Variants in SBF2 observed in about 807,000 individuals in gnomAD.
SBF2 encodes the protein myotubularin-related protein 13.
In SBF2, 112 loss-of-function variants were observed where a neutral mutation model predicts 225.2. That is an observed-to-expected ratio of 0.50 (90% CI 0.43 to 0.58). The LOEUF (loss-of-function observed/expected upper bound fraction) is 0.58. Among genes scored for constraint, SBF2 ranks in the 20% least tolerant of loss-of-function variants. The probability of loss-of-function intolerance (pLI) is 0.00; values close to 1 mark genes in which losing one functional copy is unlikely to be tolerated. For synonymous variants in SBF2, 763 were observed against 773.3 expected, an observed-to-expected ratio of 0.99 and a Z score of 0.22; for missense variants, 1,996 against 2,206.2, an observed-to-expected ratio of 0.90 and a Z score of 1.91.
At chr11:9,958,907 G>T in intron 16 of SBF2, 2 of 679,732 alleles carry the variant, frequency 2.9e-6, no homozygotes, top group African/African-American at 1.8e-5. Flanking sequence ...ACTATGATGG[G>T]CTATAAGAGC....
intron 30 of SBF2, among the ~76,000 whole-genome samples, chr11:9,811,470 C>T (rs1291963602): frequency 6.6e-6 from 1 of 152,180 alleles, no homozygotes; most frequent in Non-Finnish European, 1.5e-5. Flanking sequence ...AAGAGTAGAG[C>T]ACAGAATGTA....
At chr11:10,193,824 G>T in intron 2 of SBF2, 78 bp downstream of exon 2, 2 of 966,320 alleles carry the variant, frequency 2.1e-6, no homozygotes, top group Admixed American at 3.5e-5. Context: ...AACAGCAAAT[G>T]TAACATAAAT....
At chr11:9,946,847 G>T (rs1306027950) in intron 16 of SBF2, among the ~76,000 whole-genome samples, 1 of 152,244 alleles carries the variant, frequency 6.6e-6, no homozygotes, top group South Asian at 2.1e-4. Context: ...ACTTGCAAAA[G>T]CAATTATCCA....
chr11:9,950,099 T>C (rs1167871918), intron 16 of SBF2, among the ~76,000 whole-genome samples: 1 of 151,862 alleles, frequency 6.6e-6, no homozygotes, highest in Non-Finnish European at 1.5e-5. Context: ...CCAAAGATGA[T>C]ACTGTGTTAT....
In SBF2 at chr11:9,853,972, T is replaced by C. The variant is rs360169; in HGVS notation, c.2364-260A>G. ...GACCCAGATTTGTTTCTGTAAGGAA[T>C]ACCTTTAGTCACTCTCCCAAAAGGA... On this transcript the variant is annotated intron_variant, in intron 19 of 39. Transcript: ENST00000256190. 0.48 allele frequency among the ~76,000 whole-genome samples: 72,666 copies of C among 151,954 alleles called. 18,736 individuals are homozygous for C. Among genetic ancestry groups the C allele is most frequent in the Non-Finnish European group, 0.59 (39,929 of 67,912 alleles).
intron 1 of SBF2, among the ~76,000 whole-genome samples, chr11:10,269,586 A>T (rs1962298692): frequency 6.6e-6 from 1 of 152,226 alleles, no homozygotes; most frequent in Admixed American, 6.5e-5. Flanking sequence ...TTTACTTTAC[A>T]TGAAATAACT....
At chr11:9,966,227 T>C (rs1282777782) in intron 14 of SBF2, among the ~76,000 whole-genome samples, 2 of 152,136 alleles carry the variant, frequency 1.3e-5, no homozygotes, top group Non-Finnish European at 2.9e-5. Context: ...TAGCTGGGAC[T>C]ACAGGTGCAT....
At chr11:10,149,737 T>C (rs909216848) in intron 2 of SBF2, among the ~76,000 whole-genome samples, 7 of 152,162 alleles carry the variant, frequency 4.6e-5, no homozygotes. Context: ...AGTAACTCTC[T>C]CTGCTGTAAC....
chr11:9,848,313 C>T (rs1028458803), intron 22 of SBF2, among the ~76,000 whole-genome samples: 1 of 152,018 alleles, frequency 6.6e-6, no homozygotes, highest in African/African-American at 2.4e-5. Context: ...ATTTATATAA[C>T]ATGTAAAATT....
At chr11:9,876,641 C>A (rs1364823364) in intron 17 of SBF2, among the ~76,000 whole-genome samples, 1 of 152,212 alleles carries the variant, frequency 6.6e-6, no homozygotes, top group Non-Finnish European at 1.5e-5. Context: ...TTGGCTGGAA[C>A]TTTGATCTTG....
chr11:9,975,608 T>C lies in SBF2; in HGVS notation c.1396-7063A>G, dbSNP rs542257170. On this transcript the variant is annotated intron_variant, in intron 13 of 39. Transcript: ENST00000256190. ...AAACTCGTAACTGTAGATTAAAAAGTATACATTTTACTGTATATAAAAATT... is the reference window on the plus strand; with the variant it reads ...AAACTCGTAACTGTAGATTAAAAAGCATACATTTTACTGTATATAAAAATT... 2.0e-5 allele frequency among the ~76,000 whole-genome samples: 3 copies of C among 152,314 alleles called. No individual in the cohort carries two copies. In the South Asian group the frequency reaches 6.2e-4, roughly 32 times the overall value.
chr11:9,828,189 C>T (rs1235878038), intron 28 of SBF2: 1 of 1,289,656 alleles, frequency 7.8e-7, no homozygotes, highest in Non-Finnish European at 1.0e-6. Context: ...TGCTTAAGCA[C>T]AGTGGACATT....
At chr11:9,860,870 C>A (rs1188288032) in intron 17 of SBF2, among the ~76,000 whole-genome samples, 4 of 151,990 alleles carry the variant, frequency 2.6e-5, no homozygotes. Context: ...AATCAGCATG[C>A]CAAAAAAGTT....
rs535369848 is a variant in SBF2 at position 10,116,110 on chromosome 11, C to T, written c.142-73129G>A. On this transcript the variant is annotated intron_variant, in intron 2 of 39. Transcript: ENST00000256190. ...TGTGAACCTGGGAGGCGGAGCTTGC[C>T]GTGAGCCGAGATCACGCCACTGCAC... Among the ~76,000 whole-genome samples the T allele has an allele frequency of 5.3e-5, 8 of 152,038 alleles. No homozygotes were observed. In the East Asian group the frequency reaches 7.7e-4, roughly 15 times the overall value.
chr11:10,087,153 C>A (rs193004195), intron 2 of SBF2, among the ~76,000 whole-genome samples: 40 of 151,868 alleles, frequency 2.6e-4, no homozygotes, highest in Admixed American at 1.0e-3. Context: ...AATCTTCCAT[C>A]TTCTGGGTCC....
intron 3 of SBF2, among the ~76,000 whole-genome samples, chr11:10,034,835 A>T (rs1303170324): frequency 6.6e-6 from 1 of 152,216 alleles, no homozygotes; most frequent in African/African-American, 2.4e-5. Flanking sequence ...AGTAGTTGCA[A>T]AATTCTGTAA....
chr11:10,052,180 G>A (rs1950089819), intron 2 of SBF2, among the ~76,000 whole-genome samples: 1 of 151,650 alleles, frequency 6.6e-6, no homozygotes, highest in African/African-American at 2.4e-5. Context: ...GCTATCACAG[G>A]TGCAAAACCC....
chr11:9,843,181 TACTC>T (rs1489969421), intron 24 of SBF2, among the ~76,000 whole-genome samples: 17 of 152,308 alleles, frequency 1.1e-4, no homozygotes, highest in African/African-American at 3.6e-4. Context: ...CTTCTCTACT[TACTC>T]AAACTCTCTT....
intron 8 of SBF2, among the ~76,000 whole-genome samples, chr11:9,999,324 TGTATGTA>T (rs1282616522): frequency 6.9e-4 from 93 of 134,410 alleles, no homozygotes; most frequent in African/African-American, 2.2e-3. Context: ...TATGTATGTA[TGTATGTA>T]TTTATTTTTG....
Sources: allele counts gnomAD v4.1 joint callset (sites outside exome capture counted in the v4.1 genomes callset), GRCh38; gene constraint gnomAD v4.1.1; transcripts MANE v1.5; gene names NCBI Gene and HGNC (gene_info 2026-07-23, HGNC 2026-07-21).